ATAD2B: variants seen among roughly 807,000 people sequenced by gnomAD.
The protein encoded by ATAD2B is ATPase family AAA domain containing 2B, also known as ATPase family AAA domain-containing protein 2B.
Under a neutral mutation model 167.6 loss-of-function variants are expected in ATAD2B, and 40 were observed. That is an observed-to-expected ratio of 0.24 (90% confidence interval 0.19 to 0.31). The LOEUF is 0.31. Ranked by LOEUF, ATAD2B falls within the 10% of genes least tolerant of loss-of-function variation. The pLI is 1.00. For missense variants in ATAD2B, 1,242 were observed against 1,757.2 expected, an observed-to-expected ratio of 0.71 and a Z score of 5.24; for synonymous variants, 579 against 596.5, an observed-to-expected ratio of 0.97 and a Z score of 0.43.
downstream of ATAD2B, among the ~76,000 whole-genome samples, chr2:23,745,454 A>AG (rs372266093): frequency 4.6e-4 from 67 of 145,886 alleles, no homozygotes; most frequent in Non-Finnish European, 7.5e-4. Flanking sequence ...AGGGAAGGGA[A>AG]GGAAGGAAAG....
chr2:23,678,493 G>A, the ATAD2B span, among the ~76,000 whole-genome samples: 1 of 152,230 alleles, frequency 6.6e-6, no homozygotes, highest in African/African-American at 2.4e-5. Flanking sequence ...ACGTGGAGCA[G>A]AAATGAGTTG....
chr2:23,767,665 A>T (rs1677643760), intron 22 of ATAD2B, among the ~76,000 whole-genome samples: 1 of 152,214 alleles, frequency 6.6e-6, no homozygotes, highest in Non-Finnish European at 1.5e-5. Flanking sequence ...GAATAACACC[A>T]GGGAGCATAG....
chr2:23,909,451 T>C (rs186064068), intron 1 of ATAD2B, among the ~76,000 whole-genome samples: 6,255 of 149,148 alleles, frequency 0.042, 120 homozygotes, highest in Admixed American at 0.047. Flanking sequence ...TATATATATA[T>C]ACACACACAC....
intron 22 of ATAD2B, among the ~76,000 whole-genome samples, chr2:23,773,230 G>A (rs550589069): frequency 1.3e-5 from 2 of 152,292 alleles, no homozygotes; most frequent in African/African-American, 4.8e-5. Context: ...ACATGGTTGG[G>A]CATGTTGGCT....
At chr2:23,743,549 C>T in the ATAD2B span, among the ~76,000 whole-genome samples, 1 of 137,736 alleles carries the variant, frequency 7.3e-6, no homozygotes, top group Non-Finnish European at 1.5e-5. Context: ...GGCAACAGAG[C>T]GAAAATCCGA....
At chr2:23,693,643 TGGCAGAGAGGTGAAGGGCG>T in the ATAD2B span, 90 of 1,134,112 alleles carry the variant, frequency 7.9e-5, no homozygotes, top group African/African-American at 1.3e-3. Context: ...TCTCCCTAAG[TGGCAGAGAGGTGAAGGGCG>T]GGCAGAGAGG....
At chr2:23,797,541 C>T (rs1682812824) in intron 19 of ATAD2B, among the ~76,000 whole-genome samples, 1 of 152,084 alleles carries the variant, frequency 6.6e-6, no homozygotes, top group South Asian at 2.1e-4. Flanking sequence ...GATATAGCCA[C>T]AATTTTCTTA....
intron 18 of ATAD2B, among the ~76,000 whole-genome samples, chr2:23,804,689 C>T (rs937986742): frequency 6.9e-6 from 1 of 145,940 alleles, no homozygotes; most frequent in Non-Finnish European, 1.5e-5. Context: ...AAAAAAAAAA[C>T]CCTATAACAT....
intron 21 of ATAD2B, among the ~76,000 whole-genome samples, chr2:23,783,549 T>C (rs979517018): frequency 1.3e-5 from 2 of 152,062 alleles, no homozygotes; most frequent in African/African-American, 4.8e-5. Flanking sequence ...TTAGAGTCAA[T>C]TATATAAGAA....
intron 15 of ATAD2B, among the ~76,000 whole-genome samples, chr2:23,828,451 C>T (rs1055313735): frequency 6.6e-6 from 1 of 152,126 alleles, no homozygotes; most frequent in Admixed American, 6.5e-5. Flanking sequence ...AAAATAAGCC[C>T]GTTGTGTAAT....
the ATAD2B span, among the ~76,000 whole-genome samples, chr2:23,704,444 T>C: frequency 2.0e-5 from 3 of 152,158 alleles, no homozygotes; most frequent in Non-Finnish European, 4.4e-5. Context: ...GCCCCATCCT[T>C]TCCTGGACTA....
At chr2:23,875,939 TAATA>T in intron 7 of ATAD2B, 35 bp from the exon 8 acceptor site, 1 of 1,393,262 alleles carries the variant, frequency 7.2e-7, no homozygotes, top group Non-Finnish European at 1.0e-6. Flanking sequence ...GAGAAATAAC[TAATA>T]AATTGATAAA....
chr2:23,716,436 T>C, the ATAD2B span, among the ~76,000 whole-genome samples: 3 of 109,960 alleles, frequency 2.7e-5, no homozygotes, highest in Non-Finnish European at 4.0e-5. Context: ...GTGGGACCTT[T>C]CATTGTTGTT....
downstream of ATAD2B, among the ~76,000 whole-genome samples, chr2:23,746,438 G>A (rs934153137): frequency 2.0e-5 from 3 of 152,172 alleles, no homozygotes; most frequent in Non-Finnish European, 4.4e-5. Flanking sequence ...CCTAGTAAAC[G>A]TGATATAAGT....
chr2:23,812,625 G>A (rs1685775933), intron 17 of ATAD2B, among the ~76,000 whole-genome samples: 1 of 152,156 alleles, frequency 6.6e-6, no homozygotes, highest in Admixed American at 6.5e-5. Context: ...CACTTTGGGA[G>A]ACTGAGGCTG....
chr2:23,774,449 T>C lies in ATAD2B; in HGVS notation c.3133+8420A>G, dbSNP rs571903891. On this transcript the variant is annotated intron_variant, in intron 22 of 27. Transcript: ENST00000238789. ...AGGTCCAGGCAACAGCATGAGACCT[T>C]GTCTCCAAAGAAAACAAAAAACAGA... 2.8e-4 allele frequency among the ~76,000 whole-genome samples: 43 copies of C among 152,312 alleles called. No individual in the cohort carries two copies. The South Asian group carries it at 8.5e-3, about 30-fold the overall frequency.
intron 1 of ATAD2B, among the ~76,000 whole-genome samples, chr2:23,914,356 T>A (rs1300525207): frequency 6.6e-6 from 1 of 151,890 alleles, no homozygotes; most frequent in East Asian, 1.9e-4. Context: ...TAATTACTCT[T>A]GAAAAATAAT....
At chr2:23,694,151 A>G in the ATAD2B span, among the ~76,000 whole-genome samples, 2 of 152,226 alleles carry the variant, frequency 1.3e-5, no homozygotes, top group Non-Finnish European at 2.9e-5. Context: ...CCCTCTGCTC[A>G]GTGGCCTTCT....
At chr2:23,888,617 A>G (rs1228163889) in intron 2 of ATAD2B, among the ~76,000 whole-genome samples, 1 of 152,182 alleles carries the variant, frequency 6.6e-6, no homozygotes, top group Non-Finnish European at 1.5e-5. Context: ...CAGATTATAC[A>G]CTAAGTTTAC....
Sources: gnomAD v4.1 joint callset for allele counts (sites outside exome capture counted in the v4.1 genomes callset) on GRCh38, gnomAD v4.1.1 for gene constraint, MANE v1.5 for transcripts, NCBI Gene and HGNC (gene_info 2026-07-23, HGNC 2026-07-21) for gene names.